Variants in TMEM179 observed in about 807,000 individuals in gnomAD.
TMEM179 encodes the protein transmembrane protein 179A.
Under a neutral mutation model 22.2 loss-of-function variants are expected in TMEM179, and 17 were observed. The observed-to-expected ratio is 0.77, with a 90% CI of 0.52 to 1.15. The LOEUF (loss-of-function observed/expected upper bound fraction) is 1.15, where lower values mean the gene tolerates loss of function less well. Among genes scored for constraint, TMEM179 ranks in the 50% most tolerant of loss-of-function variants. The pLI is 0.00. For missense variants in TMEM179, 265 were observed against 313.6 expected (o/e 0.84, Z 1.17); for synonymous variants, 127 against 140.5 (o/e 0.90, Z 0.68).
intron 3 of TMEM179, chr14:104,594,865 T>C: frequency 7.6e-7 from 1 of 1,320,924 alleles, no homozygotes; most frequent in South Asian, 1.9e-5. Context: ...GTTTCGTTTC[T>C]GGCACCACCT....
In TMEM179 at chr14:104,593,498, T is replaced by C. The variant is rs1376930124; in HGVS notation, c.683A>G (p.Glu228Gly). The C allele has an allele frequency of 6.5e-7, 1 of 1,535,800 alleles. No homozygotes were observed. The highest frequency in any genetic ancestry group is 2.0e-5 in the Admixed American group (1 of 50,962). Residue 228 changes from glutamate to glycine, a missense_variant, in exon 4 of 4, where the codon GAG (glutamate) becomes GGG (glycine). Glu to Gly is a moderately conservative substitution (Grantham distance 98). Transcript: ENST00000556573. ...RPSPRTSFQE[E>G]KSAVI ...CTGTGCCTAAATGACAGCGCTCTTC[T>C]CCTCTTGGAAGGAGGTGCGTGGGGA... is the stretch of plus-strand genomic sequence containing the variant.
intron 2 of TMEM179, 80 bp downstream of exon 2, chr14:104,596,910 A>G: frequency 2.6e-6 from 4 of 1,535,622 alleles, no homozygotes; most frequent in Non-Finnish European, 3.5e-6. Flanking sequence ...TCGTGAGGGA[A>G]GATCACCCAC....
Position 104,604,379 on chromosome 14 carries a change from G to A in TMEM179, c.305+58C>T, listed in dbSNP as rs957573693. 7.0e-7 allele frequency: 1 copy of A among 1,419,462 alleles called. No homozygotes were observed. Among genetic ancestry groups the A allele is most frequent in the Non-Finnish European group, 9.2e-7 (1 of 1,092,226 alleles). 87.9% of individuals were successfully genotyped at this position (1,419,462 alleles called of 1,614,324 possible). ...ACTCGCGCGCCTCCCCGGGGAGGTG[G>A]GTCTGGGGGCGCTGGGGGCATGGAA... On this transcript the variant is annotated intron_variant, in intron 1 of 3. Coordinates refer to ENST00000556573, the MANE Select transcript of TMEM179 (RefSeq NM_001286389.2). The surrounding 1 kb of genome is among the most constrained non-coding windows in gnomAD (Gnocchi z 4.6).
At chr14:104,598,204 G>A (rs1187932339) in intron 1 of TMEM179, among the ~76,000 whole-genome samples, 3 of 152,218 alleles carry the variant, frequency 2.0e-5, no homozygotes, top group Admixed American at 6.5e-5. Flanking sequence ...TGCACACGGA[G>A]GCTCCGGGGG....
At position 104,593,526 on chromosome 14, in the gene TMEM179, G is replaced by A. The variant is rs1233720011; in HGVS notation, c.655C>T (p.Pro219Ser). The A allele has an allele frequency of 4.6e-6, 7 of 1,535,628 alleles. No homozygotes were observed. The highest frequency in any genetic ancestry group is 2.6e-6 in the Non-Finnish European group (3 of 1,146,582). The change falls in exon 4 of 4, where the codon CCG (proline) becomes TCG (serine). Residue 219 changes from proline to serine, a missense_variant. Transcript: ENST00000556573. ...IHEKELLLAR[P>S]SPRTSFQEEK... ...TCTTGGAAGGAGGTGCGTGGGGACG[G>A]CCGGGCCAGCAGCAGCTCCTTCTCG...
At position 104,595,189 on chromosome 14, in the gene TMEM179, G is replaced by C. The variant is rs1886977316; in HGVS notation, c.498C>G (p.Phe166Leu). 2.5e-6 allele frequency: 4 copies of C among 1,613,760 alleles called. No homozygotes were observed. The highest frequency in any genetic ancestry group is 2.5e-6 in the Non-Finnish European group (3 of 1,179,970). The change falls in exon 3 of 4, where the codon TTC (phenylalanine) becomes TTG (leucine). Residue 166 changes from phenylalanine (F) to leucine (L), a missense_variant. Transcript: ENST00000556573. This position sits in a 1 kb window ranked among gnomAD's most constrained non-coding sequence, Gnocchi z 5.7. ...DLELGVDNSA[F>L]YDQFAIAQFG... ...CCTGGGCAATTGCAAACTGATCGTA[G>C]AAGGCGGAGTTGTCCACGCCCAGCT...
At position 104,592,682 on chromosome 14, in the gene TMEM179, C is replaced by G. The variant is rs922501687; in HGVS notation, c.*797G>C. ...CATGCACTCATATACACAATCACAC[C>G]CTCCCATGCACAAAGGCACTCACAA... On this transcript the variant is annotated 3_prime_UTR_variant, in exon 4 of 4. Coordinates refer to ENST00000556573, the MANE Select transcript of TMEM179 (RefSeq NM_001286389.2). Among the ~76,000 whole-genome samples, 1 of 152,098 alleles carries G rather than the reference C, an allele frequency of 6.6e-6. No individual in the cohort carries two copies. Among genetic ancestry groups the G allele is most frequent in the African/African-American group, 2.4e-5 (1 of 41,414 alleles).
intron 1 of TMEM179, among the ~76,000 whole-genome samples, chr14:104,601,549 A>G (rs748980651): frequency 5.7e-4 from 86 of 152,048 alleles, no homozygotes; most frequent in Non-Finnish European, 1.0e-3. Context: ...GAGTGCTGAC[A>G]CGTTTGACAG....
chr14:104,601,008 G>A (rs375453994), intron 1 of TMEM179, among the ~76,000 whole-genome samples: 2 of 152,348 alleles, frequency 1.3e-5, no homozygotes, highest in South Asian at 2.1e-4. Flanking sequence ...TGGGCTGGAC[G>A]TCCAGTGGCC....
chr14:104,601,460 T>C (rs1160163400), intron 1 of TMEM179, among the ~76,000 whole-genome samples: 1 of 151,976 alleles, frequency 6.6e-6, no homozygotes, highest in Non-Finnish European at 1.5e-5. Context: ...TCCCCTAGGG[T>C]GGGGTCCCCT....
At chr14:104,594,872 A>G (rs1301586253) in intron 3 of TMEM179, 2 of 1,311,758 alleles carry the variant, frequency 1.5e-6, no homozygotes, top group Non-Finnish European at 1.9e-6. Flanking sequence ...TTCTGGCACC[A>G]CCTCCCCCCA....
chr14:104,598,809 T>A (rs533476612), intron 1 of TMEM179, among the ~76,000 whole-genome samples: 2 of 152,084 alleles, frequency 1.3e-5, no homozygotes, highest in East Asian at 3.9e-4. Context: ...AACGGGAGGG[T>A]TTGAGCCACC....
chr14:104,597,933 C>A lies in TMEM179; in HGVS notation c.306-806G>T, dbSNP rs537958307. Among the ~76,000 whole-genome samples the A allele has an allele frequency of 6.6e-6, 1 of 152,178 alleles. No homozygotes were observed. Among genetic ancestry groups the A allele is most frequent in the Admixed American group, 6.5e-5 (1 of 15,282 alleles). On this transcript the variant is annotated intron_variant, in intron 1 of 3. Transcript: ENST00000556573. This position sits in a 1 kb window ranked among gnomAD's most constrained non-coding sequence, Gnocchi z 4.8. ...CTGACCAGGGCCAGAGCATGGGGAG[C>A]GCAGGAGGCAGGGCCATGAGGAAGG...
rs7144812 is a variant in TMEM179, at chr14:104,597,716, G to T, written c.306-589C>A. On this transcript the variant is annotated intron_variant, in intron 1 of 3. Coordinates refer to ENST00000556573, the MANE Select transcript of TMEM179 (RefSeq NM_001286389.2). The surrounding 1 kb of genome is among the most constrained non-coding windows in gnomAD (Gnocchi z 4.8). ...TCGAACCTGGATCCCAGCCTGGATC[G>T]CAGACCTCTAGCCTCCGGAAGTGTG... is the stretch of plus-strand genomic sequence containing the variant. Among the ~76,000 whole-genome samples, 1 of 152,026 alleles carries T rather than the reference G, an allele frequency of 6.6e-6. No individual in the cohort carries two copies. Among genetic ancestry groups the T allele is most frequent in the South Asian group, 2.1e-4 (1 of 4,830 alleles).
chr14:104,593,641 T>C lies in TMEM179; in HGVS notation c.540A>G (p.Ser180=). Residue 180 remains serine (S), a synonymous_variant, in exon 4 of 4, where the codon TCA becomes TCG. Transcript: ENST00000556573. ...TGGTGATGGCCAGCCAGGCCAGCCA[T>C]GAGGCCCAGAGGCCAAACTGCACAG... ...FAIAQFGLWA[S]WLAWLAITTL... 6.7e-7 allele frequency: 1 copy of C among 1,482,726 alleles called. No individual in the cohort carries two copies. The highest frequency in any genetic ancestry group is 9.0e-7 in the Non-Finnish European group (1 of 1,117,146). The allele number at this position is 1,482,726 out of a possible 1,614,324, so 91.8% of individuals were successfully genotyped here. A position where few individuals can be genotyped will look rare whatever the true frequency, so the allele number is the denominator to read the frequency against.
Position 104,600,146 on chromosome 14 carries a change from C to T in TMEM179, c.306-3019G>A, listed in dbSNP as rs139608864. Among the ~76,000 whole-genome samples, 258 of 152,352 alleles carry T rather than the reference C, an allele frequency of 1.7e-3. 3 individuals carry two copies. The East Asian group carries it at 0.042, about 25-fold the overall frequency. ...TTCTGGTCGGTTTCCAGGGATCCTGCCCAGGCTGTCCAGGTCGTTGAAGAA... is the reference window on the plus strand; with the variant it reads ...TTCTGGTCGGTTTCCAGGGATCCTGTCCAGGCTGTCCAGGTCGTTGAAGAA... On this transcript the variant is annotated intron_variant, in intron 1 of 3. Coordinates refer to ENST00000556573, the MANE Select transcript of TMEM179 (RefSeq NM_001286389.2).
Position 104,593,281 on chromosome 14 carries a change from G to A in TMEM179, c.*198C>T, listed in dbSNP as rs564553893. 37 of 653,502 alleles carry A rather than the reference G, an allele frequency of 5.7e-5. No homozygotes were observed. The Admixed American group carries it at 5.8e-4, about 10-fold the overall frequency. The allele number at this position is 653,502 out of a possible 1,614,324, so 40.5% of individuals were successfully genotyped here. A position where few individuals can be genotyped will look rare whatever the true frequency, so the allele number is the denominator to read the frequency against. ...TCTGCACCATCCTCATCAGGGAGCC[G>A]GCACCCACCCAGTCCACTGCCAGGC... On this transcript the variant is annotated 3_prime_UTR_variant, in exon 4 of 4. Transcript: ENST00000556573.
Position 104,604,663 on chromosome 14 carries a change from G to A in TMEM179, c.79C>T (p.Pro27Ser). The A allele has an allele frequency of 6.3e-7, 1 of 1,596,772 alleles. No individual in the cohort carries two copies. The highest frequency in any genetic ancestry group is 1.1e-5 in the South Asian group (1 of 89,790). ...AFLFSFVVVV[P>S]LSENGHDFRG... The stretch of plus-strand genomic sequence containing the variant: ...AAGTCGTGGCCGTTCTCGGACAGCG[G>A]GACCACCACCACGAAGCTGAACAGG... Residue 27 changes from proline to serine, a missense_variant, in exon 1 of 4, where the codon CCG becomes TCG. By Grantham distance (74) the Pro-to-Ser change is moderately conservative (BLOSUM62 -1). Transcript: ENST00000556573. The surrounding 1 kb of genome is among the most constrained non-coding windows in gnomAD (Gnocchi z 4.6).
At position 104,592,284 on chromosome 14, in the gene TMEM179, ACATG is replaced by A. The variant is rs1244931894; in HGVS notation, c.*1191_*1194del. On this transcript the variant is annotated 3_prime_UTR_variant, in exon 4 of 4. Transcript: ENST00000556573. Reference sequence around the variant, plus strand: ...CACCTACACACTCTTCCTCACACTCACATGCATGCACACTCATGTCACAGGGAGT... The same window carrying A: ...CACCTACACACTCTTCCTCACACTCACATGCACACTCATGTCACAGGGAGT... The A allele has an allele frequency of 6.5e-6, 1 of 154,196 alleles. No individual in the cohort carries two copies. The highest frequency in any genetic ancestry group is 1.9e-4 in the East Asian group (1 of 5,212). 9.6% of individuals were successfully genotyped at this position (154,196 alleles called of 1,614,324 possible). A position where few individuals can be genotyped will look rare whatever the true frequency, so the allele number is the denominator to read the frequency against.
Sources: allele counts gnomAD v4.1 joint callset (sites outside exome capture counted in the v4.1 genomes callset), GRCh38; gene constraint gnomAD v4.1.1; non-coding constraint Gnocchi (gnomAD v3.1); transcripts MANE v1.5; gene names NCBI Gene and HGNC (gene_info 2026-07-23, HGNC 2026-07-21).